PDE4D: variants seen among roughly 807,000 people sequenced by gnomAD.
The protein encoded by PDE4D is 3',5'-cyclic-AMP phosphodiesterase 4D.
Under a neutral mutation model 87.4 loss-of-function variants are expected in PDE4D, and 24 were observed. The observed-to-expected ratio is 0.27, with a 90% confidence interval of 0.20 to 0.39. PDE4D has a LOEUF of 0.39. Among genes scored for constraint, PDE4D ranks in the 10% least tolerant of loss-of-function variants. The pLI, the probability that PDE4D is intolerant of heterozygous loss-of-function variation, is 1.00. For missense variants in PDE4D, 714 were observed against 1,041.0 expected, an observed-to-expected ratio of 0.69 and a Z score of 4.32; for synonymous variants, 384 against 383.2, an observed-to-expected ratio of 1.00 and a Z score of -0.02.
chr5:59,744,093 T>A (rs2150686757), intron 1 of PDE4D, among the ~76,000 whole-genome samples: 1 of 152,310 alleles, frequency 6.6e-6, no homozygotes, highest in African/African-American at 2.4e-5. Flanking sequence ...GAATACATAC[T>A]GCCAATTGTT....
intron 1 of PDE4D, among the ~76,000 whole-genome samples, chr5:59,759,516 A>C (rs1446754263): frequency 6.6e-6 from 1 of 152,224 alleles, no homozygotes; most frequent in African/African-American, 2.4e-5. Flanking sequence ...CAATTGTCAT[A>C]ATGTAATCCC....
chr5:59,981,150 G>A (rs1761886032), intron 3 of PDE4D, among the ~76,000 whole-genome samples: 1 of 152,126 alleles, frequency 6.6e-6, no homozygotes, highest in Non-Finnish European at 1.5e-5. Flanking sequence ...TACTTGGGAG[G>A]CTGAGGCAGG....
chr5:59,903,613 T>A (rs1228357524), intron 3 of PDE4D, among the ~76,000 whole-genome samples: 6 of 152,136 alleles, frequency 3.9e-5, no homozygotes, highest in Non-Finnish European at 7.4e-5. Flanking sequence ...ACTTATTGGG[T>A]TTACTATGAA....
At chr5:60,025,708 T>C (rs932948453) in intron 2 of PDE4D, among the ~76,000 whole-genome samples, 4 of 152,202 alleles carry the variant, frequency 2.6e-5, no homozygotes, top group Middle Eastern at 3.4e-3. Flanking sequence ...AATTCAACCA[T>C]AAATTAGTTT....
chr5:59,650,156 C>A (rs562392397), intron 1 of PDE4D, among the ~76,000 whole-genome samples: 20 of 151,938 alleles, frequency 1.3e-4, no homozygotes, highest in African/African-American at 4.8e-4. Context: ...TACTTTCCCT[C>A]TCACTTTTTA....
chr5:59,117,589 T>C (rs1773813707), intron 5 of PDE4D, among the ~76,000 whole-genome samples: 3 of 152,296 alleles, frequency 2.0e-5, no homozygotes. Context: ...AACTCTCTCT[T>C]CTTCTTTGTA....
intron 11 of PDE4D, among the ~76,000 whole-genome samples, chr5:58,978,285 G>A (rs1261508477): frequency 1.8e-5 from 2 of 108,808 alleles, no homozygotes; most frequent in Non-Finnish European, 4.1e-5. Flanking sequence ...ATGGTAGGGC[G>A]TGCCTGTAGT....
intron 2 of PDE4D, among the ~76,000 whole-genome samples, chr5:60,139,185 A>G (rs1427504588): frequency 6.6e-6 from 1 of 152,096 alleles, no homozygotes; most frequent in Non-Finnish European, 1.5e-5. Flanking sequence ...TAGGAAATAC[A>G]GTTCACCGCT....
chr5:60,290,127 C>T (rs76725756), intron 1 of PDE4D, among the ~76,000 whole-genome samples: 6,876 of 152,156 alleles, frequency 0.045, 233 homozygotes, highest in East Asian at 0.13. Flanking sequence ...TACATGCATA[C>T]GGAACATATG....
intron 2 of PDE4D, among the ~76,000 whole-genome samples, chr5:60,022,032 G>T (rs1169606083): frequency 3.3e-5 from 5 of 152,142 alleles, no homozygotes; most frequent in African/African-American, 1.2e-4. Flanking sequence ...ATGTTTTTGT[G>T]TAATTAGTAG....
intron 1 of PDE4D, among the ~76,000 whole-genome samples, chr5:60,451,734 T>G (rs201104666): frequency 6.6e-6 from 1 of 152,078 alleles, no homozygotes; most frequent in East Asian, 1.9e-4. Flanking sequence ...CCTACTTCCA[T>G]GGGACCCTCT....
In PDE4D at chr5:60,358,207, A is replaced by C. The variant is rs1433865129; in HGVS notation, c.-90+129735T>G. Among the ~76,000 whole-genome samples, 3 of 152,144 alleles carry C rather than the reference A, an allele frequency of 2.0e-5. No homozygotes were observed. The East Asian group carries it at 5.8e-4, about 29-fold the overall frequency. On this transcript the variant is annotated intron_variant, in intron 1 of 16. Transcript: ENST00000502484. ...GACTGATGTGGTTGAGAATGTGAGG[A>C]CTCAGGTGCAGTAAGGGAGTAGCCC...
At chr5:60,337,710 T>C (rs1435229341) in intron 1 of PDE4D, among the ~76,000 whole-genome samples, 1 of 152,088 alleles carries the variant, frequency 6.6e-6, no homozygotes, top group African/African-American at 2.4e-5. Flanking sequence ...CCTCCCTTAG[T>C]ATCACCAGAG....
intron 1 of PDE4D, among the ~76,000 whole-genome samples, chr5:59,229,888 T>C (rs1581497738): frequency 1.3e-5 from 2 of 152,130 alleles, no homozygotes; most frequent in East Asian, 3.9e-4. Context: ...AACCTCCGCC[T>C]CCCGCGTTCA....
intron 1 of PDE4D, among the ~76,000 whole-genome samples, chr5:59,360,366 G>C (rs76805397): frequency 6.6e-6 from 1 of 152,134 alleles, no homozygotes; most frequent in Admixed American, 6.6e-5. Context: ...TGGGTTTCAG[G>C]ATAGTGCTGT....
intron 3 of PDE4D, among the ~76,000 whole-genome samples, chr5:59,979,421 G>GGTGT (rs60199601): frequency 9.5e-5 from 14 of 147,630 alleles, no homozygotes; most frequent in African/African-American, 2.0e-4. Context: ...CACAGCAAGG[G>GGTGT]GTGTGTGTGT....
chr5:59,936,438 A>G (rs1324680503), intron 3 of PDE4D, among the ~76,000 whole-genome samples: 2 of 152,194 alleles, frequency 1.3e-5, no homozygotes, highest in Non-Finnish European at 2.9e-5. Context: ...TGTGATCCTC[A>G]GGTGATTCAT....
At chr5:59,556,445 G>T (rs969959343) in intron 1 of PDE4D, among the ~76,000 whole-genome samples, 23 of 152,144 alleles carry the variant, frequency 1.5e-4, no homozygotes, top group African/African-American at 5.3e-4. Context: ...AGGCAATGAG[G>T]TTACATGGTC....
chr5:59,773,101 T>C (rs979990445), intron 1 of PDE4D, among the ~76,000 whole-genome samples: 1 of 152,140 alleles, frequency 6.6e-6, no homozygotes, highest in South Asian at 2.1e-4. Flanking sequence ...CATTATGTGA[T>C]ATGAGGAACT....
Sources: gnomAD v4.1 joint callset for allele counts (sites outside exome capture counted in the v4.1 genomes callset) on GRCh38, gnomAD v4.1.1 for gene constraint, MANE v1.5 for transcripts, NCBI Gene and HGNC (gene_info 2026-07-23, HGNC 2026-07-21) for gene names.